Variants in WASF3 observed in about 807,000 individuals in gnomAD.
WASF3 encodes the protein actin-binding protein WASF3.
In WASF3, 11 loss-of-function variants were observed where a neutral mutation model predicts 46.6. That is an observed-to-expected ratio of 0.24 (90% CI 0.15 to 0.39). The LOEUF is 0.39. Ranked by LOEUF, WASF3 falls within the 10% of genes least tolerant of loss-of-function variation. WASF3 has a pLI of 1.00. For missense variants in WASF3, 576 were observed against 669.8 expected (o/e 0.86, Z 1.55); for synonymous variants, 242 against 259.7 (o/e 0.93, Z 0.65).
At chr13:26,664,927 A>G in intron 3 of WASF3, 101 bp from the exon 4 acceptor site, 1 of 1,283,794 alleles carries the variant, frequency 7.8e-7, no homozygotes, top group South Asian at 1.3e-5. Context: ...CGTTTGCACA[A>G]AATCCCACAT....
chr13:26,559,794 T>TTTCTTTCTTTCTC (rs777294758), intron 1 of WASF3, among the ~76,000 whole-genome samples: 23 of 61,982 alleles, frequency 3.7e-4, no homozygotes, highest in Non-Finnish European at 5.7e-4. Context: ...TTTCTTTTCT[T>TTTCTTTCTTTCTC]TCTTTCTTTC....
At chr13:26,604,362 A>T (rs1254131212) in intron 1 of WASF3, among the ~76,000 whole-genome samples, 1 of 152,228 alleles carries the variant, frequency 6.6e-6, no homozygotes, top group African/African-American at 2.4e-5. Context: ...CATTCATCAT[A>T]TGTAAATGAG....
At chr13:26,620,941 T>C (rs995895592) in intron 2 of WASF3, among the ~76,000 whole-genome samples, 3 of 152,196 alleles carry the variant, frequency 2.0e-5, no homozygotes, top group Non-Finnish European at 2.9e-5. Flanking sequence ...GGAGACTTAT[T>C]ATTTAGTTGT....
At chr13:26,635,522 G>T (rs1881791686) in intron 2 of WASF3, among the ~76,000 whole-genome samples, 1 of 152,160 alleles carries the variant, frequency 6.6e-6, no homozygotes. Context: ...GTCCAGCTTT[G>T]TTCCATTGCT....
intron 2 of WASF3, among the ~76,000 whole-genome samples, chr13:26,638,991 T>C (rs1881912625): frequency 6.6e-6 from 1 of 152,196 alleles, no homozygotes; most frequent in South Asian, 2.1e-4. Context: ...CCCACTGTCC[T>C]CCTATTTTCC....
At chr13:26,578,993 C>CTTT (rs200299739) in intron 1 of WASF3, among the ~76,000 whole-genome samples, 1,358 of 60,458 alleles carry the variant, frequency 0.022, 125 homozygotes, top group African/African-American at 0.054. Flanking sequence ...GATACATTTC[C>CTTT]TTTTTTTTTT....
chr13:26,650,155 T>C (rs1424270913), intron 3 of WASF3, among the ~76,000 whole-genome samples: 1 of 152,184 alleles, frequency 6.6e-6, no homozygotes, highest in Non-Finnish European at 1.5e-5. Context: ...GACTGAGATT[T>C]TACCAGAGCT....
intron 1 of WASF3, chr13:26,576,946 G>T: frequency 1.3e-6 from 1 of 755,288 alleles, no homozygotes; most frequent in Non-Finnish European, 2.3e-6. Context: ...CAAGAAGAAA[G>T]TGGTTGATCC....
chr13:26,684,318 G>A (rs2137524092), intron 9 of WASF3, among the ~76,000 whole-genome samples: 1 of 151,680 alleles, frequency 6.6e-6, no homozygotes, highest in African/African-American at 2.4e-5. Context: ...ACCAAGAGTA[G>A]ATACATAATC....
At chr13:26,645,416 G>T (rs1882120630) in intron 3 of WASF3, among the ~76,000 whole-genome samples, 1 of 152,144 alleles carries the variant, frequency 6.6e-6, no homozygotes, top group South Asian at 2.1e-4. Context: ...GTGGTCTTCT[G>T]TCATAGTAGC....
intron 1 of WASF3, among the ~76,000 whole-genome samples, chr13:26,587,102 CAAAAAAAAAAA>C (rs57542558): frequency 4.7e-5 from 3 of 64,288 alleles, no homozygotes; most frequent in Non-Finnish European, 8.4e-5. Context: ...GACCCTGCCT[CAAAAAAAAAAA>C]AAAAAAAAAA....
rs186784419 is a variant in WASF3 at position 26,633,888 on chromosome 13, C to G, written c.-10-8373C>G. Among the ~76,000 whole-genome samples, 23 of 152,278 alleles carry G rather than the reference C, an allele frequency of 1.5e-4. No individual in the cohort carries two copies. In the East Asian group the frequency reaches 4.4e-3, roughly 29 times the overall value. On this transcript the variant is annotated intron_variant, in intron 2 of 9. Coordinates refer to ENST00000335327, the MANE Select transcript of WASF3 (RefSeq NM_006646.6). ...TGTGATTTCTGTTCTTTTACATTTG[C>G]TGAGGAGTGCTTTACTTCCAATTAT...
chr13:26,657,170 T>C (rs896706338), intron 3 of WASF3, among the ~76,000 whole-genome samples: 1 of 152,212 alleles, frequency 6.6e-6, no homozygotes, highest in Non-Finnish European at 1.5e-5. Flanking sequence ...CAAAATCCCT[T>C]GTCAACAAAA....
At chr13:26,665,485 C>T (rs781668144) in intron 4 of WASF3, among the ~76,000 whole-genome samples, 1 of 152,160 alleles carries the variant, frequency 6.6e-6, no homozygotes, top group Non-Finnish European at 1.5e-5. Flanking sequence ...TAGTTTCTTA[C>T]CTAAAACTTA....
At chr13:26,545,639 A>C in the WASF3 span, among the ~76,000 whole-genome samples, 1 of 152,140 alleles carries the variant, frequency 6.6e-6, no homozygotes, top group Admixed American at 6.5e-5. Flanking sequence ...ATGGCTTCAC[A>C]CTGTTTCAAA....
chr13:26,606,785 C>G (rs528843282), intron 1 of WASF3: 1 of 152,296 alleles, frequency 6.6e-6, no homozygotes, highest in Non-Finnish European at 1.5e-5. Context: ...CTCTTGTTTA[C>G]TGCAGCTGGA....
At chr13:26,669,623 C>T (rs1882873230) in intron 5 of WASF3, among the ~76,000 whole-genome samples, 1 of 152,156 alleles carries the variant, frequency 6.6e-6, no homozygotes, top group Non-Finnish European at 1.5e-5. Context: ...AAGCGATTCT[C>T]CTGCCTCAGC....
rs747032224 is a variant in WASF3 at position 26,681,129 on chromosome 13, C to G, written c.792C>G (p.Thr264=). ...ATTCTCTGCACCCCCAGCCTGTGAC[C>G]CCTTCCTATGCAGCTGGTGACGTGC... ...PNHSLHPQPV[T]PSYAAGDVPP... Residue 264 remains threonine, a synonymous_variant, in exon 8 of 10, where the codon ACC becomes ACG. Transcript: ENST00000335327. 6.2e-7 allele frequency: 1 copy of G among 1,614,200 alleles called. No individual in the cohort carries two copies. The highest frequency in any genetic ancestry group is 8.5e-7 in the Non-Finnish European group (1 of 1,180,026).
intron 3 of WASF3, among the ~76,000 whole-genome samples, chr13:26,660,881 C>A (rs1882609751): frequency 6.6e-6 from 1 of 152,120 alleles, no homozygotes; most frequent in African/African-American, 2.4e-5. Flanking sequence ...GCATCTGCTT[C>A]TGGTGAGGCC....
Sources: allele counts gnomAD v4.1 joint callset (sites outside exome capture counted in the v4.1 genomes callset), GRCh38; gene constraint gnomAD v4.1.1; transcripts MANE v1.5; gene names NCBI Gene and HGNC (gene_info 2026-07-23, HGNC 2026-07-21).